PTPRN2: variants seen among roughly 807,000 people sequenced by gnomAD.
PTPRN2 encodes the protein receptor-type tyrosine-protein phosphatase N2.
PTPRN2 carries 74 observed loss-of-function variants against 118.8 expected under a neutral mutation model. The observed-to-expected ratio is 0.62, with a 90% CI of 0.52 to 0.76. The LOEUF (loss-of-function observed/expected upper bound fraction) is 0.76, where lower values mean the gene tolerates loss of function less well. Ranked by LOEUF, PTPRN2 falls within the 30% of genes least tolerant of loss-of-function variation. PTPRN2 has a pLI of 0.00. For missense variants in PTPRN2, 1,481 were observed against 1,394.4 expected, an observed-to-expected ratio of 1.06 and a Z score of -0.99; for synonymous variants, 641 against 608.0, an observed-to-expected ratio of 1.05 and a Z score of -0.80.
rs1478509294 is a variant in PTPRN2, at chr7:158,406,100, C to A, written c.163+83635G>T. Among the ~76,000 whole-genome samples, 27 of 82,810 alleles carry A rather than the reference C, an allele frequency of 3.3e-4. 2 individuals are homozygous for A. The highest frequency in any genetic ancestry group is 2.9e-3 in the Admixed American group (27 of 9,454). The allele number at this position is 82,810 out of a possible 152,430, so 54.3% of individuals were successfully genotyped here. Reference sequence around the variant, plus strand: ...AGTGGCTCATCCATGAGACACGTGGCCGCACACTGAGATCCCGGTGGCTCA... The same window carrying A: ...AGTGGCTCATCCATGAGACACGTGGACGCACACTGAGATCCCGGTGGCTCA... On this transcript the variant is annotated intron_variant, in intron 2 of 22. Transcript: ENST00000389418.
chr7:157,926,428 G>A (rs914369840), intron 11 of PTPRN2, among the ~76,000 whole-genome samples: 1 of 152,258 alleles, frequency 6.6e-6, no homozygotes, highest in Admixed American at 6.5e-5. Flanking sequence ...TTCTGTATTA[G>A]AAGTTTCAAA....
intron 2 of PTPRN2, among the ~76,000 whole-genome samples, chr7:158,464,151 T>A (rs1819221969): frequency 1.1e-5 from 1 of 91,570 alleles, no homozygotes; most frequent in Non-Finnish European, 2.2e-5. Flanking sequence ...GTCATCATCC[T>A]TACCATCACC....
chr7:158,447,361 A>G (rs1015875936), intron 2 of PTPRN2, among the ~76,000 whole-genome samples: 2 of 152,156 alleles, frequency 1.3e-5, no homozygotes, highest in African/African-American at 4.8e-5. Flanking sequence ...AAATTCCCCA[A>G]ATGGAATTCT....
intron 19 of PTPRN2, chr7:157,574,252 C>T (rs1799902347): frequency 2.2e-5 from 9 of 413,022 alleles, no homozygotes; most frequent in Admixed American, 1.1e-4. Flanking sequence ...GAGAGCGCAC[C>T]GTCATGCAAA....
intron 8 of PTPRN2, 101 bp downstream of exon 8, chr7:158,136,554 G>GA (rs573323728): frequency 0.31 from 356,676 of 1,164,866 alleles, 58,844 homozygotes; most frequent in East Asian, 0.51. Flanking sequence ...AATTTTCTGG[G>GA]AAAAAAACTT....
Position 158,263,861 on chromosome 7 carries a change from G to A in PTPRN2, c.277+52958C>T, listed in dbSNP as rs563151518. On this transcript the variant is annotated intron_variant, in intron 3 of 22. Transcript: ENST00000389418. ...TGAAAGCAAGGCTGCAATGACGGCC[G>A]AGCCAGAGAGCAGCACCTCCCTAGC... is the stretch of plus-strand genomic sequence containing the variant. Among the ~76,000 whole-genome samples, 4 of 152,290 alleles carry A rather than the reference G, an allele frequency of 2.6e-5. No homozygotes were observed. The South Asian group carries it at 6.2e-4, about 24-fold the overall frequency.
intron 12 of PTPRN2, among the ~76,000 whole-genome samples, chr7:157,859,983 CG>C (rs1377335163): frequency 6.7e-6 from 1 of 148,564 alleles, no homozygotes; most frequent in Non-Finnish European, 1.5e-5. Flanking sequence ...GGGAGAGCCC[CG>C]GCCACCACCC....
chr7:158,261,634 G>T (rs968625345), intron 3 of PTPRN2, among the ~76,000 whole-genome samples: 1 of 152,128 alleles, frequency 6.6e-6, no homozygotes, highest in African/African-American at 2.4e-5. Context: ...AGCACACGAA[G>T]AGGATAAAAC....
At chr7:157,836,764 T>C (rs60908139) in intron 12 of PTPRN2, among the ~76,000 whole-genome samples, 6,572 of 152,256 alleles carry the variant, frequency 0.043, 394 homozygotes, top group African/African-American at 0.12. Context: ...GCCTATGTCA[T>C]GACCATGTCC....
In PTPRN2 at chr7:158,015,366, G is replaced by A. The variant is rs1404754906; in HGVS notation, c.1723+65932C>T. 1.3e-5 allele frequency among the ~76,000 whole-genome samples: 2 copies of A among 152,048 alleles called. No individual in the cohort carries two copies. Among genetic ancestry groups the A allele is most frequent in the Non-Finnish European group, 2.9e-5 (2 of 68,032 alleles). ...AAAATGAACAAATCCCCTGTCTACC[G>A]ATTAAAAACTCTGAGGTCTTTTTAG... On this transcript the variant is annotated intron_variant, in intron 11 of 22. Coordinates refer to ENST00000389418, the MANE Select transcript of PTPRN2 (RefSeq NM_002847.5). The surrounding 1 kb of genome is among the most constrained non-coding windows in gnomAD (Gnocchi z 4.2).
At chr7:157,966,265 C>T (rs1228638150) in intron 11 of PTPRN2, among the ~76,000 whole-genome samples, 1 of 152,106 alleles carries the variant, frequency 6.6e-6, no homozygotes, top group Non-Finnish European at 1.5e-5. Flanking sequence ...TGTTTTGTTT[C>T]CTGAGACTCC....
At chr7:158,276,927 T>C (rs976158017) in intron 3 of PTPRN2, among the ~76,000 whole-genome samples, 2 of 152,244 alleles carry the variant, frequency 1.3e-5, no homozygotes, top group South Asian at 2.1e-4. Context: ...CTATCAGCTC[T>C]GGAGGGAGAA....
intron 22 of PTPRN2, among the ~76,000 whole-genome samples, chr7:157,548,579 C>T (rs914447321): frequency 6.6e-6 from 1 of 152,224 alleles, no homozygotes; most frequent in African/African-American, 2.4e-5. Context: ...CCGGAGAGGC[C>T]GGGCAGCGCT....
At position 157,627,234 on chromosome 7, in the gene PTPRN2, C is replaced by A. The variant is rs1466358048; in HGVS notation, c.2197-5725G>T. Among the ~76,000 whole-genome samples, 1 of 152,180 alleles carries A rather than the reference C, an allele frequency of 6.6e-6. No individual in the cohort carries two copies. The highest frequency in any genetic ancestry group is 6.5e-5 in the Admixed American group (1 of 15,278). ...GGTGGTCAGGGACCCCTTCTCACAC[C>A]GTGTCCCACTTCACACAGCTCCTTG... On this transcript the variant is annotated intron_variant, in intron 14 of 22. Coordinates refer to ENST00000389418, the MANE Select transcript of PTPRN2 (RefSeq NM_002847.5). This position sits in a 1 kb window ranked among gnomAD's most constrained non-coding sequence, Gnocchi z 4.2.
chr7:158,275,292 G>C (rs1586090408), intron 3 of PTPRN2, among the ~76,000 whole-genome samples: 1 of 152,184 alleles, frequency 6.6e-6, no homozygotes, highest in South Asian at 2.1e-4. Context: ...CTCTGAACAA[G>C]CTGCAGGGCT....
intron 10 of PTPRN2, among the ~76,000 whole-genome samples, chr7:158,091,046 T>C (rs1814078748): frequency 6.6e-6 from 1 of 152,242 alleles, no homozygotes; most frequent in African/African-American, 2.4e-5. Context: ...GAAATGGTTT[T>C]AAATAAGAAC....
In PTPRN2 at chr7:158,135,462, A is replaced by G. The variant is rs578088092; in HGVS notation, c.1173+1193T>C. ...AAGAAAAAGAAAGATGTTTTTAAAT[A>G]AATAAGAAGTCAGAAAATACAACAC... On this transcript the variant is annotated intron_variant, in intron 8 of 22. Coordinates refer to ENST00000389418, the MANE Select transcript of PTPRN2 (RefSeq NM_002847.5). Among the ~76,000 whole-genome samples, 5 of 152,290 alleles carry G rather than the reference A, an allele frequency of 3.3e-5. No homozygotes were observed. In the East Asian group the frequency reaches 9.7e-4, roughly 29 times the overall value.
At chr7:158,431,162 G>C (rs1166670912) in intron 2 of PTPRN2, among the ~76,000 whole-genome samples, 1 of 152,248 alleles carries the variant, frequency 6.6e-6, no homozygotes, top group African/African-American at 2.4e-5. Context: ...ATCCCAGCCA[G>C]CGTGAGCCCC....
chr7:157,998,673 A>G (rs1563314349), intron 11 of PTPRN2, among the ~76,000 whole-genome samples: 1 of 152,092 alleles, frequency 6.6e-6, no homozygotes, highest in Non-Finnish European at 1.5e-5. Flanking sequence ...AAATACAAAA[A>G]TTAGCTGGGT....
Sources: allele counts gnomAD v4.1 joint callset (sites outside exome capture counted in the v4.1 genomes callset), GRCh38; gene constraint gnomAD v4.1.1; non-coding constraint Gnocchi (gnomAD v3.1); transcripts MANE v1.5; gene names NCBI Gene and HGNC (gene_info 2026-07-23, HGNC 2026-07-21).